The following HTR1E variants were observed in gnomAD, a reference collection of about 807,000 sequenced individuals.
HTR1E encodes the protein 5-HT-1E.
HTR1E carries 3 observed loss-of-function variants against 3.4 expected under a neutral mutation model. The ratio of observed to expected loss-of-function variants is 0.89; its 90% CI spans 0.41 to 2.31. The LOEUF (loss-of-function observed/expected upper bound fraction) is 2.31, where lower values mean the gene tolerates loss of function less well. Ranked by LOEUF, HTR1E falls within the 30% of genes most tolerant of loss-of-function variation. The pLI, the probability that HTR1E is intolerant of heterozygous loss-of-function variation, is 0.05. For missense variants in HTR1E, 392 were observed against 467.0 expected (o/e 0.84, Z 1.48); for synonymous variants, 170 against 182.8 (o/e 0.93, Z 0.56).
intron 1 of HTR1E, among the ~76,000 whole-genome samples, chr6:87,013,514 G>A (rs1457046878): frequency 1.3e-5 from 2 of 152,158 alleles, no homozygotes; most frequent in African/African-American, 4.8e-5. Context: ...TTTCCAAAGT[G>A]CTGGGATTAC....
intron 1 of HTR1E, among the ~76,000 whole-genome samples, chr6:86,948,191 T>C (rs1452915693): frequency 6.6e-6 from 1 of 152,218 alleles, no homozygotes; most frequent in Non-Finnish European, 1.5e-5. Context: ...GCTTCATCCA[T>C]GTCCCTGCAA....
At chr6:86,960,344 AT>A (rs535811200) in intron 1 of HTR1E, among the ~76,000 whole-genome samples, 90 of 152,290 alleles carry the variant, frequency 5.9e-4, no homozygotes, top group African/African-American at 1.9e-3. Flanking sequence ...ACATTAATCC[AT>A]TCATAAAGGC....
intron 1 of HTR1E, among the ~76,000 whole-genome samples, chr6:86,943,082 A>C (rs1269204654): frequency 6.6e-6 from 1 of 152,224 alleles, no homozygotes; most frequent in Non-Finnish European, 1.5e-5. Flanking sequence ...TACCATTAGC[A>C]TGCATTTAAT....
At chr6:86,952,091 A>T (rs1767252878) in intron 1 of HTR1E, among the ~76,000 whole-genome samples, 1 of 152,218 alleles carries the variant, frequency 6.6e-6, no homozygotes. Flanking sequence ...ATATTTGGTG[A>T]AACTCAAGAG....
At chr6:86,960,112 G>C (rs1380727060) in intron 1 of HTR1E, among the ~76,000 whole-genome samples, 1 of 152,188 alleles carries the variant, frequency 6.6e-6, no homozygotes, top group Non-Finnish European at 1.5e-5. Flanking sequence ...TAACAGAATA[G>C]TGAAGACTGG....
At chr6:86,969,660 G>T (rs1243125210) in intron 1 of HTR1E, among the ~76,000 whole-genome samples, 6 of 152,140 alleles carry the variant, frequency 3.9e-5, no homozygotes, top group African/African-American at 1.4e-4. Context: ...ATCTCTGTCA[G>T]TTACCAAGTT....
chr6:86,938,160 TG>T (rs1005435313), intron 1 of HTR1E, among the ~76,000 whole-genome samples: 2 of 151,628 alleles, frequency 1.3e-5, no homozygotes, highest in African/African-American at 4.8e-5. Context: ...GAACGGGTGC[TG>T]GGGGGGGCCA....
chr6:86,972,135 T>C (rs955440612), intron 1 of HTR1E, among the ~76,000 whole-genome samples: 3 of 152,212 alleles, frequency 2.0e-5, no homozygotes, highest in Non-Finnish European at 2.9e-5. Context: ...TTTCATTAAG[T>C]GTAAAATTTT....
At chr6:86,945,486 G>T (rs531734635) in intron 1 of HTR1E, among the ~76,000 whole-genome samples, 1 of 151,780 alleles carries the variant, frequency 6.6e-6, no homozygotes, top group Admixed American at 6.6e-5. Flanking sequence ...CAAATGATTC[G>T]CCCGCCTCAG....
chr6:86,941,489 C>A (rs1294578060), intron 1 of HTR1E, among the ~76,000 whole-genome samples: 1 of 152,172 alleles, frequency 6.6e-6, no homozygotes, highest in Non-Finnish European at 1.5e-5. Flanking sequence ...AAATGAAAAA[C>A]TGGACACTTT....
At chr6:86,966,251 G>C (rs796776012) in intron 1 of HTR1E, among the ~76,000 whole-genome samples, 16 of 152,066 alleles carry the variant, frequency 1.1e-4, no homozygotes, top group African/African-American at 3.9e-4. Flanking sequence ...TTGAGTCCAA[G>C]GTAAAATGTT....
intron 1 of HTR1E, among the ~76,000 whole-genome samples, chr6:86,995,454 T>C (rs1175150074): frequency 6.6e-6 from 1 of 150,842 alleles, no homozygotes; most frequent in Non-Finnish European, 1.5e-5. Context: ...TCACCTGAGG[T>C]CAGGAGTTCA....
chr6:86,989,928 CCTT>C (rs768174408), intron 1 of HTR1E, among the ~76,000 whole-genome samples: 5 of 152,130 alleles, frequency 3.3e-5, no homozygotes, highest in Non-Finnish European at 7.4e-5. Flanking sequence ...CTACAAATCT[CCTT>C]CTTGAACATG....
intron 1 of HTR1E, among the ~76,000 whole-genome samples, chr6:86,942,318 A>G (rs1192331276): frequency 2.0e-5 from 3 of 152,198 alleles, no homozygotes. Flanking sequence ...CTTTCCTGTA[A>G]GTAAACAAGA....
intron 1 of HTR1E, among the ~76,000 whole-genome samples, chr6:86,976,381 T>C (rs754805602): frequency 9.9e-5 from 15 of 152,188 alleles, no homozygotes; most frequent in Non-Finnish European, 1.8e-4. Flanking sequence ...GCAGTGCTAC[T>C]GTCAAAATAA....
rs1297820609 is a variant in HTR1E at position 87,015,686 on chromosome 6, C to T, written c.352C>T (p.Leu118=). The T allele has an allele frequency of 6.2e-7, 1 of 1,614,078 alleles. No homozygotes were observed. Among genetic ancestry groups the T allele is most frequent in the South Asian group, 1.1e-5 (1 of 91,062 alleles). ...CATCCTCCACCTCTGTGTCATTGCC[C>T]TGGACAGGTACTGGGCCATCACCAA... ...CSILHLCVIA[L]DRYWAITNAI... is the part of the protein sequence containing the mutation. Residue 118 remains leucine (L), a synonymous_variant, in exon 2 of 2, where the codon CTG becomes TTG. Coordinates refer to ENST00000305344, the MANE Select transcript of HTR1E (RefSeq NM_000865.3).
At chr6:86,998,494 G>A (rs900593940) in intron 1 of HTR1E, among the ~76,000 whole-genome samples, 16 of 151,966 alleles carry the variant, frequency 1.1e-4, no homozygotes, top group Admixed American at 3.3e-4. Flanking sequence ...AGTCAAATAA[G>A]GAATCATGAA....
intron 1 of HTR1E, among the ~76,000 whole-genome samples, chr6:86,971,418 G>A (rs934117655): frequency 6.6e-6 from 1 of 152,110 alleles, no homozygotes; most frequent in Non-Finnish European, 1.5e-5. Flanking sequence ...AGGCATCATG[G>A]ATATGAGCAA....
At chr6:86,979,014 G>A (rs959663702) in intron 1 of HTR1E, among the ~76,000 whole-genome samples, 3 of 152,146 alleles carry the variant, frequency 2.0e-5, no homozygotes, top group African/African-American at 7.2e-5. Context: ...TTTGAGTCAC[G>A]GGTTTTAGTA....
Sources: gnomAD v4.1 joint callset for allele counts (sites outside exome capture counted in the v4.1 genomes callset) on GRCh38, gnomAD v4.1.1 for gene constraint, MANE v1.5 for transcripts, NCBI Gene and HGNC (gene_info 2026-07-23, HGNC 2026-07-21) for gene names.